The following WDFY4 variants were observed in gnomAD, a reference collection of about 807,000 sequenced individuals.
WDFY4 encodes WDFY family member 4, also known as WD repeat- and FYVE domain-containing protein 4.
Under a neutral mutation model 351.9 loss-of-function variants are expected in WDFY4, and 169 were observed. That is an observed-to-expected ratio of 0.48 (90% CI 0.42 to 0.55). WDFY4 has a LOEUF of 0.55. Ranked by LOEUF, WDFY4 falls within the 20% of genes least tolerant of loss-of-function variation. WDFY4 has a pLI of 0.00. For synonymous variants in WDFY4, 1,622 were observed against 1,574.6 expected, an observed-to-expected ratio of 1.03 and a Z score of -0.71; for missense variants, 3,803 against 3,935.6, an observed-to-expected ratio of 0.97 and a Z score of 0.90.
Position 48,790,794 on chromosome 10 carries a change from C to T in WDFY4, c.4134C>T (p.Leu1378=), listed in dbSNP as rs1240011004. 2.6e-6 allele frequency: 4 copies of T among 1,551,800 alleles called. No individual in the cohort carries two copies. In the African/African-American group the frequency reaches 4.1e-5, roughly 16 times the overall value. Residue 1378 remains leucine (L), a synonymous_variant, in exon 23 of 62, where the codon CTC becomes CTT. Coordinates refer to ENST00000325239, the MANE Select transcript of WDFY4 (RefSeq NM_001394531.1). ...ACTTCATTGGCGGGCCTGCCATCCT[C>T]CTGGGCCTCATCTCCTTAGCGACAG... ...SLDFIGGPAI[L]LGLISLATDD... is the part of the protein sequence containing the mutation.
chr10:48,950,321 T>G (rs1195578919), intron 51 of WDFY4, among the ~76,000 whole-genome samples: 1 of 152,238 alleles, frequency 6.6e-6, no homozygotes, highest in Non-Finnish European at 1.5e-5. Context: ...ACTGGCTTCT[T>G]GCACTTAGCG....
chr10:48,791,801 C>A (rs149731863), intron 23 of WDFY4, among the ~76,000 whole-genome samples: 2 of 152,086 alleles, frequency 1.3e-5, no homozygotes, highest in Non-Finnish European at 2.9e-5. Flanking sequence ...CTGTGTCTCT[C>A]GCTACTGGGT....
In WDFY4 at chr10:48,896,826, T is replaced by A. The variant is rs1589829778; in HGVS notation, c.7317-628T>A. Among the ~76,000 whole-genome samples the A allele has an allele frequency of 2.6e-5, 4 of 152,146 alleles. 1 individual carries two copies. The South Asian group carries it at 8.3e-4, about 32-fold the overall frequency. On this transcript the variant is annotated intron_variant, in intron 44 of 61. Transcript: ENST00000325239. Reference sequence around the variant, plus strand: ...CCCTGTGGCAGCCACAGGCCACACCTGACTCAGTTACCTTGTCCAGCCCCT... The same window carrying A: ...CCCTGTGGCAGCCACAGGCCACACCAGACTCAGTTACCTTGTCCAGCCCCT...
At chr10:48,789,237 GAT>G (rs2066597550) in intron 21 of WDFY4, among the ~76,000 whole-genome samples, 1 of 152,168 alleles carries the variant, frequency 6.6e-6, no homozygotes, top group Non-Finnish European at 1.5e-5. Context: ...ACAACAAGGA[GAT>G]ATGTTTGTAG....
Position 48,820,308 on chromosome 10 carries a change from T to A in WDFY4, c.5580T>A (p.Gly1860=). The A allele has an allele frequency of 1.9e-6, 3 of 1,550,722 alleles. No homozygotes were observed. The highest frequency in any genetic ancestry group is 2.6e-6 in the Non-Finnish European group (3 of 1,146,754). ...AAAEGDSTVE[G]LQAPTKAHPA... ...CTGAAGGCGACAGCACAGTGGAGGGTCTCCAGGCTCCCACCAAGGCACATC... is the reference window on the plus strand; with the variant it reads ...CTGAAGGCGACAGCACAGTGGAGGGACTCCAGGCTCCCACCAAGGCACATC... The change falls in exon 33 of 62, where the codon GGT becomes GGA. Residue 1860 remains glycine, a synonymous_variant. Transcript: ENST00000325239.
At chr10:48,817,554 G>T in intron 32 of WDFY4, 145 bp downstream of exon 32, 1 of 1,069,436 alleles carries the variant, frequency 9.4e-7, no homozygotes, top group East Asian at 2.6e-5. Flanking sequence ...AAGCAGCTTG[G>T]ATAACCATCC....
chr10:48,699,113 C>T (rs1313989964), intron 1 of WDFY4, among the ~76,000 whole-genome samples: 2 of 152,162 alleles, frequency 1.3e-5, no homozygotes, highest in Non-Finnish European at 2.9e-5. Flanking sequence ...TGGTTTTTGC[C>T]CCAGGGGGAG....
intron 40 of WDFY4, among the ~76,000 whole-genome samples, chr10:48,867,831 A>G (rs890389924): frequency 1.5e-4 from 23 of 152,234 alleles, no homozygotes; most frequent in African/African-American, 5.3e-4. Flanking sequence ...CTAAAAATAG[A>G]ACACAACATA....
Position 48,820,324 on chromosome 10 carries a change from A to G in WDFY4, c.5596A>G (p.Lys1866Glu). ...STVEGLQAPT[K>E]AHPARRKLRE... Reference sequence around the variant, plus strand: ...AGTGGAGGGTCTCCAGGCTCCCACCAAGGCACATCCCGCCCGGAGGAAGCT... The same window carrying G: ...AGTGGAGGGTCTCCAGGCTCCCACCGAGGCACATCCCGCCCGGAGGAAGCT... The change falls in exon 33 of 62, where the codon AAG becomes GAG. Residue 1866 changes from lysine to glutamate, a missense_variant. This residue lies in a region of WDFY4 where 3,054 missense variants were observed against 3,148.6 expected (regional missense o/e 0.97). Coordinates refer to ENST00000325239, the MANE Select transcript of WDFY4 (RefSeq NM_001394531.1). The G allele has an allele frequency of 6.4e-7, 1 of 1,551,512 alleles. No homozygotes were observed. The highest frequency in any genetic ancestry group is 8.7e-7 in the Non-Finnish European group (1 of 1,146,960).
intron 23 of WDFY4, among the ~76,000 whole-genome samples, chr10:48,791,179 A>G (rs759454800): frequency 1.3e-5 from 2 of 152,328 alleles, no homozygotes; most frequent in African/African-American, 4.8e-5. Context: ...TTCTAATGTC[A>G]TTTGTGGTTG....
intron 47 of WDFY4, among the ~76,000 whole-genome samples, chr10:48,939,691 A>G (rs1840648762): frequency 6.6e-6 from 1 of 152,252 alleles, no homozygotes. Flanking sequence ...GAGTTCTGTA[A>G]TCACCTTCAG....
rs1246365977 is a variant in WDFY4, at chr10:48,736,106, G to A, written c.1878+36G>A. 6.4e-6 allele frequency: 10 copies of A among 1,550,604 alleles called. No individual in the cohort carries two copies. In the Admixed American group the frequency reaches 2.0e-4, roughly 30 times the overall value. ...GTCCTCCTTTGAGATTGGCTTCCCT[G>A]TGGATATGCACCAAGCGATCCACAT... On this transcript the variant is annotated intron_variant, in intron 11 of 61. Coordinates refer to ENST00000325239, the MANE Select transcript of WDFY4 (RefSeq NM_001394531.1).
chr10:48,939,227 G>A (rs1840608785), intron 47 of WDFY4, among the ~76,000 whole-genome samples: 1 of 152,218 alleles, frequency 6.6e-6, no homozygotes, highest in Non-Finnish European at 1.5e-5. Flanking sequence ...CTTCCTCCAA[G>A]AGTAGAAAAG....
chr10:48,932,785 C>CT (rs1408864624), intron 47 of WDFY4, among the ~76,000 whole-genome samples: 1 of 152,118 alleles, frequency 6.6e-6, no homozygotes, highest in Non-Finnish European at 1.5e-5. Flanking sequence ...GGGGACGTTG[C>CT]TAACTCAGAC....
rs915993573 is a variant in WDFY4 at position 48,822,383 on chromosome 10, G to C, written c.5828G>C (p.Gly1943Ala). ...CACCTGTCCCCTCACTCCACAGACG[G>C]CAAAGAGCCTCAGCCAAGTGCAGAA... ...SGGDAAMFRD[G>A]KEPQPSAEAA... Residue 1943 changes from glycine (G) to alanine (A), a missense_variant, in exon 35 of 62, where the codon GGC becomes GCC. Transcript: ENST00000325239. 4 of 1,542,422 alleles carry C rather than the reference G, an allele frequency of 2.6e-6. No homozygotes were observed. The African/African-American group carries it at 5.5e-5, about 21-fold the overall frequency.
At chr10:48,787,807 C>CTCCTCCTCTTCTTCTTCTTCTTCT (rs796166984) in intron 20 of WDFY4, among the ~76,000 whole-genome samples, 11 of 76,742 alleles carry the variant, frequency 1.4e-4, no homozygotes, top group African/African-American at 5.7e-4. Flanking sequence ...CCTCCTCCTC[C>CTCCTCCTCTTCTTCTTCTTCTTCT]TCTTCTTCTT....
intron 45 of WDFY4, among the ~76,000 whole-genome samples, chr10:48,898,795 A>T (rs1426153863): frequency 6.6e-6 from 1 of 152,118 alleles, no homozygotes; most frequent in East Asian, 1.9e-4. Context: ...GAGCAGGAAG[A>T]GCAGAGTGGA....
rs545131904 is a variant in WDFY4 at position 48,868,747 on chromosome 10, G to C, written c.6741+1405G>C. On this transcript the variant is annotated intron_variant, in intron 40 of 61. Transcript: ENST00000325239. Reference sequence around the variant, plus strand: ...GTGGTTTATCTAAACTTCCTAATCTGCATCTCGTCTAGAGTGCAACCATTT... The same window carrying C: ...GTGGTTTATCTAAACTTCCTAATCTCCATCTCGTCTAGAGTGCAACCATTT... Among the ~76,000 whole-genome samples the C allele has an allele frequency of 2.6e-5, 4 of 152,246 alleles. No homozygotes were observed. The East Asian group carries it at 7.7e-4, about 29-fold the overall frequency.
chr10:48,731,652 C>A, intron 9 of WDFY4, 90 bp downstream of exon 9: 1 of 1,394,308 alleles, frequency 7.2e-7, no homozygotes, highest in Non-Finnish European at 9.6e-7. Context: ...TCAAATGCAA[C>A]AGAAAGTGAG....
Sources: allele counts gnomAD v4.1 joint callset (sites outside exome capture counted in the v4.1 genomes callset), GRCh38; gene constraint gnomAD v4.1.1; regional missense constraint gnomAD v4.1.1; transcripts MANE v1.5; gene names NCBI Gene and HGNC (gene_info 2026-07-23, HGNC 2026-07-21).